The following FAM107B variants were observed in gnomAD, a reference collection of about 807,000 sequenced individuals.
The protein encoded by FAM107B is protein FAM107B.
Under a neutral mutation model 31.5 loss-of-function variants are expected in FAM107B, and 21 were observed. The ratio of observed to expected loss-of-function variants is 0.67; its 90% CI spans 0.47 to 0.96. The LOEUF is 0.96. Ranked by LOEUF, FAM107B falls within the 40% of genes least tolerant of loss-of-function variation. The probability of loss-of-function intolerance (pLI) is 0.00; values close to 1 mark genes in which losing one functional copy is unlikely to be tolerated. For missense variants in FAM107B, 452 were observed against 377.1 expected, an observed-to-expected ratio of 1.20 and a Z score of -1.64; for synonymous variants, 157 against 141.5, an observed-to-expected ratio of 1.11 and a Z score of -0.78.
intron 2 of FAM107B, among the ~76,000 whole-genome samples, chr10:14,645,894 T>C (rs571666308): frequency 6.6e-6 from 1 of 152,208 alleles, no homozygotes; most frequent in Non-Finnish European, 1.5e-5. Flanking sequence ...GATTTTACAG[T>C]TTTGTTGTTT....
At chr10:14,550,618 A>G (rs1306776869) in intron 2 of FAM107B, among the ~76,000 whole-genome samples, 3 of 152,354 alleles carry the variant, frequency 2.0e-5, no homozygotes, top group East Asian at 3.9e-4. Flanking sequence ...CGAAGTCCAC[A>G]TGAAATGGAG....
chr10:14,675,233 G>T (rs1212514319), intron 1 of FAM107B, among the ~76,000 whole-genome samples: 1 of 152,124 alleles, frequency 6.6e-6, no homozygotes, highest in Non-Finnish European at 1.5e-5. Flanking sequence ...GAATAAGCTG[G>T]GCGTTGGGAA....
intron 2 of FAM107B, among the ~76,000 whole-genome samples, chr10:14,598,232 G>A (rs1437327727): frequency 6.6e-6 from 1 of 152,132 alleles, no homozygotes; most frequent in Non-Finnish European, 1.5e-5. Flanking sequence ...CGTGGCAGCC[G>A]CGTAATTACT....
intron 1 of FAM107B, among the ~76,000 whole-genome samples, chr10:14,769,536 C>G (rs1024542937): frequency 6.6e-6 from 1 of 152,144 alleles, no homozygotes; most frequent in African/African-American, 2.4e-5. Context: ...GGGCGCCCGC[C>G]ACCACGACCA....
chr10:14,734,962 G>C (rs1788406379), intron 1 of FAM107B, among the ~76,000 whole-genome samples: 1 of 152,154 alleles, frequency 6.6e-6, no homozygotes, highest in African/African-American at 2.4e-5. Context: ...ATCTGTTCCA[G>C]CCGAATCTGC....
In FAM107B at chr10:14,774,634, T is replaced by G; in HGVS notation, c.30A>C (p.Lys10Asn). 1 of 1,613,988 alleles carries G rather than the reference T, an allele frequency of 6.2e-7. No homozygotes were observed. Among genetic ancestry groups the G allele is most frequent in the Non-Finnish European group, 8.5e-7 (1 of 1,179,944 alleles). Residue 10 changes from lysine (K) to asparagine (N), a missense_variant, in exon 1 of 5, where the codon AAA becomes AAC. Coordinates refer to ENST00000181796, the MANE Select transcript of FAM107B (RefSeq NM_031453.4). ...TGCTTCTAGAGGGAGACTTCAGTCT[T>G]TTGGTGAGTCTTGCTTTCCACGTGG... is the stretch of plus-strand genomic sequence containing the variant. MSTWKARLT[K>N]RLKSPSRSMH...
chr10:14,656,027 C>T (rs1854044122), intron 2 of FAM107B, among the ~76,000 whole-genome samples: 1 of 152,134 alleles, frequency 6.6e-6, no homozygotes, highest in African/African-American at 2.4e-5. Context: ...CCATGCACTC[C>T]AACTTCATCA....
intron 1 of FAM107B, among the ~76,000 whole-genome samples, chr10:14,770,666 A>G (rs1833280726): frequency 6.6e-6 from 1 of 152,246 alleles, no homozygotes; most frequent in South Asian, 2.1e-4. Flanking sequence ...ACTAACAATT[A>G]TAAGACACAT....
chr10:14,713,108 C>T lies in FAM107B; in HGVS notation c.412-45417G>A, dbSNP rs144058838. 2.0e-5 allele frequency among the ~76,000 whole-genome samples: 3 copies of T among 152,218 alleles called. No individual in the cohort carries two copies. In the East Asian group the frequency reaches 5.8e-4, roughly 29 times the overall value. ...GGTTTAGAATCACACTCAAATCCTC[C>T]CTCTCTCTGGCTAATCAGATTAAGT... On this transcript the variant is annotated intron_variant, in intron 1 of 4. Coordinates refer to ENST00000181796, the MANE Select transcript of FAM107B (RefSeq NM_031453.4).
At chr10:14,727,009 G>T (rs2131555763) in intron 1 of FAM107B, among the ~76,000 whole-genome samples, 1 of 152,082 alleles carries the variant, frequency 6.6e-6, no homozygotes, top group African/African-American at 2.4e-5. Flanking sequence ...ATGGGAGACA[G>T]TTACAGATCA....
chr10:14,750,792 T>A (rs1342626485), intron 1 of FAM107B, among the ~76,000 whole-genome samples: 2 of 151,868 alleles, frequency 1.3e-5, no homozygotes, highest in Non-Finnish European at 2.9e-5. Flanking sequence ...ACAAAAAAAT[T>A]TTAAAAATTA....
intron 2 of FAM107B, among the ~76,000 whole-genome samples, chr10:14,616,055 T>C (rs1398140781): frequency 6.6e-6 from 1 of 152,222 alleles, no homozygotes; most frequent in African/African-American, 2.4e-5. Context: ...TAACAATTAT[T>C]TTAAAACTTT....
At chr10:14,675,313 T>C (rs1854656620) in intron 1 of FAM107B, among the ~76,000 whole-genome samples, 1 of 152,156 alleles carries the variant, frequency 6.6e-6, no homozygotes, top group South Asian at 2.1e-4. Flanking sequence ...AGTTTTCCTA[T>C]CTATCTGATA....
chr10:14,629,480 A>C (rs1459920592), intron 2 of FAM107B, among the ~76,000 whole-genome samples: 2 of 108,990 alleles, frequency 1.8e-5, no homozygotes, highest in South Asian at 4.7e-4. Flanking sequence ...TAATATATAT[A>C]TAACATATAT....
intron 2 of FAM107B, among the ~76,000 whole-genome samples, chr10:14,649,886 T>G (rs926823784): frequency 6.6e-6 from 1 of 152,194 alleles, no homozygotes; most frequent in African/African-American, 2.4e-5. Flanking sequence ...CCATTACACA[T>G]AATAAGGGCC....
At chr10:14,721,430 C>T (rs1320836640) in intron 1 of FAM107B, among the ~76,000 whole-genome samples, 1 of 152,154 alleles carries the variant, frequency 6.6e-6, no homozygotes. Context: ...CACTGTCTTC[C>T]ACAATGGTTG....
intron 1 of FAM107B, among the ~76,000 whole-genome samples, chr10:14,770,975 TAAAAAAAAAAAA>T (rs56378196): frequency 1.4e-3 from 81 of 58,932 alleles, no homozygotes; most frequent in Non-Finnish European, 2.4e-3. Context: ...GAGGCTGAAC[TAAAAAAAAAAAA>T]AAAAAAAAAA....
In FAM107B at chr10:14,690,869, A is replaced by G. The variant is rs192247597; in HGVS notation, c.412-23178T>C. On this transcript the variant is annotated intron_variant, in intron 1 of 4. Coordinates refer to ENST00000181796, the MANE Select transcript of FAM107B (RefSeq NM_031453.4). ...TCAGGGAGAACAGGATGCAAAAACTATATATATGCTATGATGGTAGTGATG... is the reference window on the plus strand; with the variant it reads ...TCAGGGAGAACAGGATGCAAAAACTGTATATATGCTATGATGGTAGTGATG... 1.7e-3 allele frequency among the ~76,000 whole-genome samples: 258 copies of G among 152,332 alleles called. 1 individual carries two copies. Among genetic ancestry groups the G allele is most frequent in the Non-Finnish European group, 1.1e-3 (74 of 68,016 alleles).
At chr10:14,644,747 T>A (rs571011425) in intron 2 of FAM107B, among the ~76,000 whole-genome samples, 52 of 152,286 alleles carry the variant, frequency 3.4e-4, no homozygotes, top group Non-Finnish European at 7.1e-4. Flanking sequence ...GCCACACAAA[T>A]GCAAGTATTG....
Sources: gnomAD v4.1 joint callset for allele counts (sites outside exome capture counted in the v4.1 genomes callset) on GRCh38, gnomAD v4.1.1 for gene constraint, MANE v1.5 for transcripts, NCBI Gene and HGNC (gene_info 2026-07-23, HGNC 2026-07-21) for gene names.